The following PRRC1 variants were observed in gnomAD, a reference collection of about 807,000 sequenced individuals.
PRRC1 encodes the protein protein PRRC1.
PRRC1 carries 39 observed loss-of-function variants against 40.7 expected under a neutral mutation model. That is an observed-to-expected ratio of 0.96 (90% CI 0.74 to 1.25). The LOEUF is 1.25. Ranked by LOEUF, PRRC1 falls within the 50% of genes most tolerant of loss-of-function variation. PRRC1 has a pLI of 0.00. For missense variants in PRRC1, 573 were observed against 548.3 expected (o/e 1.05, Z -0.45); for synonymous variants, 175 against 193.3 (o/e 0.91, Z 0.79).
intron 1 of PRRC1, among the ~76,000 whole-genome samples, chr5:127,521,012 T>G (rs1169375490): frequency 6.6e-6 from 1 of 152,148 alleles, no homozygotes; most frequent in Admixed American, 6.5e-5. Flanking sequence ...TATGCTACCC[T>G]CAGCTTGAAT....
chr5:127,547,300 T>A (rs1443534738), intron 7 of PRRC1, among the ~76,000 whole-genome samples: 1 of 152,130 alleles, frequency 6.6e-6, no homozygotes, highest in East Asian at 1.9e-4. Flanking sequence ...ACTGACTCAT[T>A]GTGAATAATT....
At chr5:127,545,939 AATT>A (rs1554107933) in intron 7 of PRRC1, among the ~76,000 whole-genome samples, 2 of 152,026 alleles carry the variant, frequency 1.3e-5, no homozygotes, top group African/African-American at 2.4e-5. Flanking sequence ...TTGCTCTCAT[AATT>A]ATTTTTTGTG....
At chr5:127,536,767 C>T (rs1223316699) in intron 6 of PRRC1, among the ~76,000 whole-genome samples, 1 of 151,888 alleles carries the variant, frequency 6.6e-6, no homozygotes, top group Non-Finnish European at 1.5e-5. Context: ...TTCAAATTTA[C>T]AAATATGAAT....
chr5:127,547,564 G>A (rs912682143), intron 7 of PRRC1, among the ~76,000 whole-genome samples: 1 of 152,062 alleles, frequency 6.6e-6, no homozygotes, highest in African/African-American at 2.4e-5. Flanking sequence ...CCCTTCCCAT[G>A]GAGAGGAAGC....
rs425532 is a variant in PRRC1 at position 127,553,081 on chromosome 5, A to G, written c.*1165A>G. On this transcript the variant is annotated 3_prime_UTR_variant, in exon 9 of 9. Transcript: ENST00000296666. ...GTTGGACTTTGTATATACAAGTTCA[A>G]ATAACTTTTTCGAAGATAGTTTCTT... 0.28 allele frequency: 225,951 copies of G among 808,098 alleles called. 32,331 individuals carry two copies. The highest frequency in any genetic ancestry group is 0.54 in the East Asian group (4,177 of 7,780). 50.1% of individuals were successfully genotyped at this position (808,098 alleles called of 1,614,324 possible). A position where few individuals can be genotyped will look rare whatever the true frequency, so the allele number is the denominator to read the frequency against.
chr5:127,550,358 G>C (rs1316153544), intron 8 of PRRC1: 1 of 151,536 alleles, frequency 6.6e-6, no homozygotes, highest in Non-Finnish European at 1.5e-5. Flanking sequence ...CTTTTTTATT[G>C]TTGGAATTTT....
At chr5:127,549,587 C>G (rs1207538914) in intron 8 of PRRC1, 1 of 152,188 alleles carries the variant, frequency 6.6e-6, no homozygotes, top group Non-Finnish European at 1.5e-5. Context: ...AAGCAAACTT[C>G]AGATCTAATA....
In PRRC1 at chr5:127,551,716, C is replaced by CT. The variant is rs1768388879; in HGVS notation, c.1139dup (p.Thr381AsnfsTer6). Reference sequence around the variant, plus strand: ...TTTCATCTTTCCACAGGCTCAAAGTCTAACTCCCCAGGACTATAATCTGAG... The same window carrying CT: ...TTTCATCTTTCCACAGGCTCAAAGTCTTAACTCCCCAGGACTATAATCTGAG... On this transcript the variant is annotated frameshift_variant, in exon 9 of 9. Coordinates refer to ENST00000296666, the MANE Select transcript of PRRC1 (RefSeq NM_130809.5). LOFTEE classifies it high-confidence loss of function. 2 of 1,614,038 alleles carry CT rather than the reference C, an allele frequency of 1.2e-6. No individual in the cohort carries two copies. Among genetic ancestry groups the CT allele is most frequent in the Non-Finnish European group, 1.7e-6 (2 of 1,179,954 alleles).
chr5:127,536,554 C>G (rs1420670052), intron 6 of PRRC1, among the ~76,000 whole-genome samples: 1 of 151,818 alleles, frequency 6.6e-6, no homozygotes, highest in Admixed American at 6.6e-5. Flanking sequence ...TGAGGAAAAT[C>G]CTAAGTAGAA....
intron 7 of PRRC1, among the ~76,000 whole-genome samples, chr5:127,545,510 A>T (rs897741575): frequency 3.9e-4 from 59 of 152,034 alleles, no homozygotes; most frequent in African/African-American, 1.4e-3. Flanking sequence ...ATTGGAAATC[A>T]TCATTCTCAG....
At chr5:127,519,664 T>C (rs113393271) in intron 1 of PRRC1, among the ~76,000 whole-genome samples, 13 of 152,354 alleles carry the variant, frequency 8.5e-5, no homozygotes, top group African/African-American at 2.6e-4. Context: ...CAATAATTGG[T>C]TTAACATCAT....
intron 7 of PRRC1, among the ~76,000 whole-genome samples, chr5:127,547,379 T>C (rs113818515): frequency 0.02 from 3,032 of 152,188 alleles, 98 homozygotes; most frequent in African/African-American, 0.069. Flanking sequence ...TCTGAGCTTA[T>C]TTTTTAATTT....
intron 8 of PRRC1, chr5:127,549,110 T>C (rs939842829): frequency 6.6e-6 from 1 of 151,912 alleles, no homozygotes; most frequent in African/African-American, 2.4e-5. Context: ...CAGTTTCATA[T>C]GATTCAGCTT....
chr5:127,533,902 G>A (rs151016769), intron 6 of PRRC1, 116 bp downstream of exon 6: 2 of 1,152,464 alleles, frequency 1.7e-6, no homozygotes, highest in Non-Finnish European at 2.6e-6. Flanking sequence ...AAATAACAAT[G>A]AACTTTGCTT....
intron 8 of PRRC1, chr5:127,551,155 C>T (rs1041560410): frequency 2.4e-5 from 4 of 164,020 alleles, no homozygotes; most frequent in Non-Finnish European, 5.3e-5. Flanking sequence ...GTTTATTCTT[C>T]TGTCATTCCT....
chr5:127,548,097 G>T, intron 8 of PRRC1, 176 bp downstream of exon 8: 1 of 658,928 alleles, frequency 1.5e-6, no homozygotes, highest in Non-Finnish European at 2.7e-6. Context: ...TGTTGTTTTA[G>T]TACCTTCCTC....
chr5:127,554,035 C>T lies in PRRC1; in HGVS notation c.*2119C>T. On this transcript the variant is annotated 3_prime_UTR_variant, in exon 9 of 9. Transcript: ENST00000296666. Reference sequence around the variant, plus strand: ...CGGAGCATGACTGACTTCACATGCTCAGCTTTCTCAGCCTTTTGTTTATTT... The same window carrying T: ...CGGAGCATGACTGACTTCACATGCTTAGCTTTCTCAGCCTTTTGTTTATTT... 1.2e-6 allele frequency: 1 copy of T among 808,580 alleles called. No individual in the cohort carries two copies. The highest frequency in any genetic ancestry group is 1.8e-6 in the Non-Finnish European group (1 of 542,466). 50.1% of individuals were successfully genotyped at this position (808,580 alleles called of 1,614,324 possible).
At chr5:127,526,470 T>C in intron 3 of PRRC1, 148 bp from the exon 4 acceptor site, 1 of 547,064 alleles carries the variant, frequency 1.8e-6, no homozygotes, top group Non-Finnish European at 3.1e-6. Context: ...TTAATTTGCG[T>C]TTTATAAAGG....
intron 5 of PRRC1, among the ~76,000 whole-genome samples, chr5:127,532,996 G>A (rs1252975685): frequency 2.0e-5 from 3 of 152,010 alleles, no homozygotes; most frequent in East Asian, 1.9e-4. Flanking sequence ...GGTTGTTTAA[G>A]TAATTGAAAA....
Sources: allele counts gnomAD v4.1 joint callset (sites outside exome capture counted in the v4.1 genomes callset), GRCh38; gene constraint gnomAD v4.1.1; transcripts MANE v1.5; gene names NCBI Gene and HGNC (gene_info 2026-07-23, HGNC 2026-07-21).